Variants in ATP2B4 observed in about 807,000 individuals in gnomAD.
ATP2B4 encodes the protein ATPase plasma membrane Ca2+ transporting 4, also known as plasma membrane calcium-transporting ATPase 4.
A neutral mutation model predicts 110.3 loss-of-function variants in ATP2B4; 39 were observed. The observed-to-expected ratio is 0.35, with a 90% CI of 0.27 to 0.46. The LOEUF (loss-of-function observed/expected upper bound fraction) is 0.46. Among genes scored for constraint, ATP2B4 ranks in the 20% least tolerant of loss-of-function variants. The pLI is 1.00. For missense variants in ATP2B4, 1,135 were observed against 1,530.9 expected, an observed-to-expected ratio of 0.74 and a Z score of 4.32; for synonymous variants, 538 against 571.7, an observed-to-expected ratio of 0.94 and a Z score of 0.84.
chr1:203,670,459 G>T (rs865802202), intron 1 of ATP2B4, among the ~76,000 whole-genome samples: 1 of 152,232 alleles, frequency 6.6e-6, no homozygotes, highest in South Asian at 2.1e-4. Context: ...GATTACAGGC[G>T]TGAGCCACTG....
rs1019768323 is a variant in ATP2B4, at chr1:203,723,925, C to A, written c.3069C>A (p.Ser1023Arg). The A allele has an allele frequency of 6.2e-7, 1 of 1,611,932 alleles. No individual in the cohort carries two copies. The part of the protein sequence containing the change: ...EFGGKPFSCT[S>R]LSLSQWLWCL... ...GGGGTAAACCCTTCAGTTGTACAAGCCTCAGCCTGTCTCAGTGGCTGTGGT... is the reference window on the plus strand; with the variant it reads ...GGGGTAAACCCTTCAGTTGTACAAGACTCAGCCTGTCTCAGTGGCTGTGGT... Residue 1023 changes from serine (S) to arginine (R), a missense_variant, in exon 19 of 21, where the codon AGC (serine) becomes AGA (arginine). Ser to Arg is a moderately radical substitution (Grantham distance 110, BLOSUM62 -1). This residue lies in a region of ATP2B4 where 155 missense variants were observed against 186.2 expected (regional missense o/e 0.83). Transcript: ENST00000357681.
intron 20 of ATP2B4, chr1:203,727,835 C>T (rs1666570375): frequency 4.5e-6 from 2 of 445,588 alleles, no homozygotes; most frequent in South Asian, 5.1e-5. Context: ...AAAGCCCAGC[C>T]TGCCACCCTC....
Position 203,710,977 on chromosome 1 carries a change from G to A in ATP2B4, c.1900G>A (p.Gly634Arg), listed in dbSNP as rs770893263. The A allele has an allele frequency of 8.7e-6, 14 of 1,613,924 alleles. No homozygotes were observed. Among genetic ancestry groups the A allele is most frequent in the Admixed American group, 8.3e-5 (5 of 59,986 alleles). Residue 634 changes from glycine to arginine, a missense_variant, in exon 12 of 21, where the codon GGA becomes AGA. Coordinates refer to ENST00000357681, the MANE Select transcript of ATP2B4 (RefSeq NM_001684.5). ...RTVIEPMACD[G>R]LRTICIAYRD... ...TGTCATCGAGCCCATGGCCTGTGAT[G>A]GACTCCGGACTATCTGCATAGCTTA... is the stretch of plus-strand genomic sequence containing the variant.
chr1:203,712,113 C>T lies in ATP2B4; in HGVS notation c.2185C>T (p.Arg729Trp), dbSNP rs770084350. The T allele has an allele frequency of 6.2e-6, 10 of 1,613,954 alleles. No homozygotes were observed. The highest frequency in any genetic ancestry group is 5.5e-5 in the South Asian group (5 of 91,082). ...GTGCTTAGAAGGCAAAGAATTCAAC[C>T]GGCTCATCCGCAACGAGAAAGGCGA... ...FLCLEGKEFN[R>W]LIRNEKGEVE... The change falls in exon 13 of 21, where the codon CGG becomes TGG. Residue 729 changes from arginine (R) to tryptophan (W), a missense_variant. Around this residue, in one of 9 missense-constraint regions of ATP2B4, gnomAD observed 368 missense variants for 455.9 expected, o/e 0.81. Transcript: ENST00000357681.
At chr1:203,710,787 A>G in intron 11 of ATP2B4, 90 bp from the exon 12 acceptor site, 1 of 1,006,102 alleles carries the variant, frequency 9.9e-7, no homozygotes, top group East Asian at 2.6e-5. Flanking sequence ...CTTTAGGAAT[A>G]ATACAGAGTT....
At chr1:203,656,669 G>T (rs1371848382) in intron 1 of ATP2B4, among the ~76,000 whole-genome samples, 7 of 152,162 alleles carry the variant, frequency 4.6e-5, no homozygotes, top group Non-Finnish European at 7.3e-5. Flanking sequence ...TTTTTGAAAG[G>T]CATTTTCAAC....
intron 15 of ATP2B4, among the ~76,000 whole-genome samples, chr1:203,717,626 T>TTTTTTTTATTTATTTA (rs1666197321): frequency 1.4e-5 from 2 of 144,150 alleles, no homozygotes; most frequent in Admixed American, 7.1e-5. Flanking sequence ...ATGGTATTTA[T>TTTTTTTTATTTATTTA]TTTATTTATT....
In ATP2B4 at chr1:203,638,705, C is replaced by T. The variant is rs147844081; in HGVS notation, c.-465+11486C>T. Among the ~76,000 whole-genome samples, 685 of 152,316 alleles carry T rather than the reference C, an allele frequency of 4.5e-3. 5 individuals are homozygous for T. The highest frequency in any genetic ancestry group is 0.016 in the African/African-American group (648 of 41,572). On this transcript the variant is annotated intron_variant, in intron 1 of 20. Coordinates refer to ENST00000357681, the MANE Select transcript of ATP2B4 (RefSeq NM_001684.5). ...ACTGTGTGACCAGATCAACACCAAA[C>T]TTCCCTGGTTCCCAATGTCTCTACC...
chr1:203,714,368 C>T, intron 15 of ATP2B4, 91 bp downstream of exon 15: 1 of 1,360,936 alleles, frequency 7.3e-7, no homozygotes, highest in Non-Finnish European at 1.0e-6. Context: ...CTTGCTACAC[C>T]TGCATAGCCC....
intron 11 of ATP2B4, among the ~76,000 whole-genome samples, chr1:203,710,192 CCT>C (rs1156365280): frequency 6.6e-6 from 1 of 151,986 alleles, no homozygotes; most frequent in Admixed American, 6.6e-5. Context: ...ATGGTGAAAC[CCT>C]GTCTCTACTA....
chr1:203,646,481 C>A (rs761517908), intron 1 of ATP2B4, among the ~76,000 whole-genome samples: 1 of 152,080 alleles, frequency 6.6e-6, no homozygotes, highest in East Asian at 1.9e-4. Context: ...AAAAAACAGT[C>A]GACCAGGCAC....
intron 1 of ATP2B4, among the ~76,000 whole-genome samples, chr1:203,652,144 C>CTT (rs112114077): frequency 7.9e-6 from 1 of 126,224 alleles, no homozygotes; most frequent in Non-Finnish European, 1.6e-5. Flanking sequence ...GCAACTTCTT[C>CTT]TTTTTTTTTT....
At chr1:203,727,358 AT>A (rs757860510) in intron 19 of ATP2B4, 36 bp from the exon 20 acceptor site, 8 of 1,609,558 alleles carry the variant, frequency 5.0e-6, no homozygotes, top group Non-Finnish European at 6.8e-6. Context: ...TCTCACGCTG[AT>A]TCTGACGTCT....
At chr1:203,630,359 CTCTCTCTCTCTT>C (rs1427790134) in intron 1 of ATP2B4, among the ~76,000 whole-genome samples, 2 of 18,174 alleles carry the variant, frequency 1.1e-4, no homozygotes, top group Non-Finnish European at 3.9e-4. Context: ...CTCTCTCTCT[CTCTCTCTCTCTT>C]TTTTTTTTTT....
At chr1:203,685,694 C>A (rs1665158584) in intron 2 of ATP2B4, among the ~76,000 whole-genome samples, 1 of 152,192 alleles carries the variant, frequency 6.6e-6, no homozygotes, top group Non-Finnish European at 1.5e-5. Context: ...CAAATGATAG[C>A]TCCACCATTT....
At chr1:203,699,759 C>G (rs763279173) in intron 4 of ATP2B4, 42 bp downstream of exon 4, 3 of 1,606,896 alleles carry the variant, frequency 1.9e-6, no homozygotes, top group Non-Finnish European at 2.6e-6. Context: ...ACCACCACCC[C>G]CATTTAAGGG....
rs1269436984 is a variant in ATP2B4, at chr1:203,710,949, C to T, written c.1872C>T (p.Arg624=). ...FKNKDRDDMV[R]TVIEPMACDG... is the part of the protein sequence containing the mutation. ...ATAAAGACAGAGATGATATGGTACG[C>T]ACTGTCATCGAGCCCATGGCCTGTG... Residue 624 remains arginine (R), a synonymous_variant, in exon 12 of 21, where the codon CGC becomes CGT. Coordinates refer to ENST00000357681, the MANE Select transcript of ATP2B4 (RefSeq NM_001684.5). 3 of 1,614,034 alleles carry T rather than the reference C, an allele frequency of 1.9e-6. No homozygotes were observed. The Admixed American group carries it at 5.0e-5, about 27-fold the overall frequency.
At chr1:203,723,418 A>ATCTC (rs1491262777) in intron 18 of ATP2B4, among the ~76,000 whole-genome samples, 5 of 66,458 alleles carry the variant, frequency 7.5e-5, no homozygotes, top group African/African-American at 2.9e-4. Flanking sequence ...TTTGAGACAG[A>ATCTC]TATCTCTCTC....
At position 203,734,138 on chromosome 1, in the gene ATP2B4, A is replaced by G. The variant is rs574452537; in HGVS notation, c.3310-5408A>G. Among the ~76,000 whole-genome samples the G allele has an allele frequency of 1.9e-3, 287 of 152,120 alleles. 1 individual carries two copies. The highest frequency in any genetic ancestry group is 3.0e-3 in the Non-Finnish European group (201 of 67,996). On this transcript the variant is annotated intron_variant, in intron 20 of 20. Transcript: ENST00000357681. ...AACATGGTGAAACCCCGTCTCTACTAAAAATACAAAAAATTAGCTGGGCGT... is the reference window on the plus strand; with the variant it reads ...AACATGGTGAAACCCCGTCTCTACTGAAAATACAAAAAATTAGCTGGGCGT...
Sources: gnomAD v4.1 joint callset for allele counts (sites outside exome capture counted in the v4.1 genomes callset) on GRCh38, gnomAD v4.1.1 for gene constraint, gnomAD v4.1.1 regional missense constraint, MANE v1.5 for transcripts, NCBI Gene and HGNC (gene_info 2026-07-23, HGNC 2026-07-21) for gene names.